The following PDZK1IP1 variants were observed in gnomAD, a reference collection of about 807,000 sequenced individuals.
PDZK1IP1 encodes PDZK1-interacting protein 1.
A neutral mutation model predicts 14.7 loss-of-function variants in PDZK1IP1; 9 were observed. The ratio of observed to expected loss-of-function variants is 0.61; its 90% CI spans 0.37 to 1.07. The LOEUF is 1.07. Among genes scored for constraint, PDZK1IP1 ranks in the 50% least tolerant of loss-of-function variants. The pLI, the probability that PDZK1IP1 is intolerant of heterozygous loss-of-function variation, is 0.01. For missense variants in PDZK1IP1, 152 were observed against 148.7 expected (o/e 1.02, Z -0.11); for synonymous variants, 70 against 61.2 (o/e 1.14, Z -0.67).
chr1:47,186,551 C>T (rs530271921), intron 2 of PDZK1IP1, among the ~76,000 whole-genome samples: 6 of 152,342 alleles, frequency 3.9e-5, no homozygotes, highest in African/African-American at 7.2e-5. Context: ...GGAAGAAATG[C>T]CCCTGGGAAC....
chr1:47,187,023 C>T (rs532605606), intron 2 of PDZK1IP1, among the ~76,000 whole-genome samples: 4 of 152,304 alleles, frequency 2.6e-5, no homozygotes, highest in African/African-American at 4.8e-5. Context: ...CCTGGCTCTG[C>T]GGAAACACCA....
intron 3 of PDZK1IP1, among the ~76,000 whole-genome samples, chr1:47,184,719 A>C (rs1282410806): frequency 6.9e-6 from 1 of 145,176 alleles, no homozygotes; most frequent in Non-Finnish European, 1.5e-5. Flanking sequence ...TCCTTCCTCC[A>C]TTGAACCCTT....
Position 47,189,925 on chromosome 1 carries a change from G to A in PDZK1IP1, c.8C>T (p.Ala3Val). Residue 3 changes from alanine (A) to valine (V), a missense_variant, in exon 1 of 4, where the codon GCC becomes GTC. Ala to Val is a moderately conservative substitution (Grantham distance 64, BLOSUM62 0). Coordinates refer to ENST00000294338, the MANE Select transcript of PDZK1IP1 (RefSeq NM_005764.4). ...CAGGCCCAGAATGAGGAGGCTGAGG[G>A]CCGACATGGCTGCAGCAGCTCCTAG... MSALSLLILGLLT... is the reference protein window; with the variant it reads MSVLSLLILGLLT... 1 of 1,593,212 alleles carries A rather than the reference G, an allele frequency of 6.3e-7. No homozygotes were observed. The highest frequency in any genetic ancestry group is 8.5e-7 in the Non-Finnish European group (1 of 1,177,508).
intron 2 of PDZK1IP1, among the ~76,000 whole-genome samples, chr1:47,187,005 G>T (rs1645323661): frequency 6.6e-6 from 1 of 152,188 alleles, no homozygotes; most frequent in Non-Finnish European, 1.5e-5. Context: ...CACAGGCTGG[G>T]CCGCTATCCT....
chr1:47,185,014 G>T lies in PDZK1IP1; in HGVS notation c.260C>A (p.Ala87Glu), dbSNP rs746288679. The change falls in exon 3 of 4, where the codon GCG (alanine) becomes GAG (glutamate). Residue 87 changes from alanine (A) to glutamate (E), a missense_variant. Transcript: ENST00000294338. ...VGTDGRYSSM[A>E]ASFRSSEHEN... ...CCCTGCACCTCACCTGAAACTGGCC[G>T]CCATCGAAGAGTACCTTCCATCTGT... The T allele has an allele frequency of 9.9e-6, 16 of 1,612,794 alleles. No homozygotes were observed. The highest frequency in any genetic ancestry group is 1.7e-4 in the Middle Eastern group (1 of 6,060).
rs374253597 is a variant in PDZK1IP1 at position 47,184,645 on chromosome 1, C to G, written c.272+357G>C. 7.4e-5 allele frequency among the ~76,000 whole-genome samples: 9 copies of G among 121,156 alleles called. No homozygotes were observed. In the South Asian group the frequency reaches 2.3e-3, roughly 31 times the overall value. The allele number at this position is 121,156 out of a possible 152,430, so 79.5% of individuals were successfully genotyped here. A position where few individuals can be genotyped will look rare whatever the true frequency, so the allele number is the denominator to read the frequency against. On this transcript the variant is annotated intron_variant, in intron 3 of 3. Transcript: ENST00000294338. ...CCACTGAGTCCATACCCCAGTGAAC[C>G]CATCCCCCACTGAGCTGCATCCTCT...
intron 1 of PDZK1IP1, among the ~76,000 whole-genome samples, chr1:47,189,628 G>A (rs2148573976): frequency 6.6e-6 from 1 of 152,332 alleles, no homozygotes; most frequent in East Asian, 1.9e-4. Flanking sequence ...TGGGGCTTGG[G>A]CCTCAAATCC....
intron 3 of PDZK1IP1, among the ~76,000 whole-genome samples, chr1:47,184,473 C>CCCACTGAGTCCATCCT: frequency 1.0e-4 from 1 of 9,684 alleles, no homozygotes; most frequent in Non-Finnish European, 2.8e-4. Flanking sequence ...GAGTCCATCC[C>CCCACTGAGTCCATCCT]CCACTGAACC....
intron 1 of PDZK1IP1, 25 bp downstream of exon 1, chr1:47,189,841 G>T: frequency 6.4e-7 from 1 of 1,568,442 alleles, no homozygotes; most frequent in Non-Finnish European, 8.6e-7. Context: ...GGTCTCCCGT[G>T]CCCAGCCCTC....
chr1:47,188,007 C>A (rs1346060691), intron 1 of PDZK1IP1, among the ~76,000 whole-genome samples: 4 of 152,064 alleles, frequency 2.6e-5, no homozygotes, highest in African/African-American at 9.7e-5. Context: ...GAGGAGTGGA[C>A]CAGGACATCT....
chr1:47,185,470 G>A, intron 2 of PDZK1IP1: 1 of 246,234 alleles, frequency 4.1e-6, no homozygotes, highest in South Asian at 5.7e-5. Context: ...CAGAGCTGGG[G>A]CAGGTGGAGA....
chr1:47,183,582 TGGGGA>T lies in PDZK1IP1; in HGVS notation c.*384_*388del. 2 of 209,172 alleles carry T rather than the reference TGGGGA, an allele frequency of 9.6e-6. No homozygotes were observed. The highest frequency in any genetic ancestry group is 5.3e-5 in the Admixed American group (1 of 18,838). 13.0% of individuals were successfully genotyped at this position (209,172 alleles called of 1,614,324 possible). On this transcript the variant is annotated 3_prime_UTR_variant, in exon 4 of 4. Transcript: ENST00000294338. ...GACTGTCATGATTCAGAAAGCAAGA[TGGGGA>T]CTCACTGGAAGCCTGAGGGGCTGTT...
Position 47,187,048 on chromosome 1 carries a change from G to A in PDZK1IP1, c.176+271C>T, listed in dbSNP as rs554814585. The stretch of plus-strand genomic sequence containing the variant: ...CGGAAACACCAAGACTCCAAGAAGC[G>A]AAGCCGTTTCCCCAAAACTCACAGG... On this transcript the variant is annotated intron_variant, in intron 2 of 3. Coordinates refer to ENST00000294338, the MANE Select transcript of PDZK1IP1 (RefSeq NM_005764.4). Among the ~76,000 whole-genome samples, 16 of 152,272 alleles carry A rather than the reference G, an allele frequency of 1.1e-4. No homozygotes were observed. In the South Asian group the frequency reaches 1.9e-3, roughly 18 times the overall value.
chr1:47,188,618 C>T (rs1238510759), intron 1 of PDZK1IP1, among the ~76,000 whole-genome samples: 3 of 152,196 alleles, frequency 2.0e-5, no homozygotes, highest in African/African-American at 7.2e-5. Flanking sequence ...CTCAAATGTC[C>T]TCCTTTGAGT....
At chr1:47,184,188 G>T in intron 3 of PDZK1IP1, 145 bp from the exon 4 acceptor site, 2 of 674,608 alleles carry the variant, frequency 3.0e-6, no homozygotes, top group Middle Eastern at 2.4e-4. Context: ...CCACATCTGG[G>T]CTTATGCATC....
chr1:47,190,010 C>T lies in PDZK1IP1; in HGVS notation c.-78G>A, dbSNP rs77893010. 1.8e-3 allele frequency: 2,058 copies of T among 1,152,998 alleles called. 25 individuals carry two copies. The East Asian group carries it at 0.031, about 17-fold the overall frequency. The allele number at this position is 1,152,998 out of a possible 1,614,324, so 71.4% of individuals were successfully genotyped here. A position where few individuals can be genotyped will look rare whatever the true frequency, so the allele number is the denominator to read the frequency against. ...AGCTGCTGTGGAGTCTATTGGTGTC[C>T]GCCTGAAATCAACCTGGGCTCAGTC... On this transcript the variant is annotated 5_prime_UTR_variant, in exon 1 of 4. Transcript: ENST00000294338.
Position 47,189,966 on chromosome 1 carries a change from C to G in PDZK1IP1, c.-34G>C, listed in dbSNP as rs893222319. 12 of 1,536,964 alleles carry G rather than the reference C, an allele frequency of 7.8e-6. No individual in the cohort carries two copies. Among genetic ancestry groups the G allele is most frequent in the Non-Finnish European group, 1.0e-5 (12 of 1,146,714 alleles). ...CAGCTCCTAGCCTTGCTTCTGGCCG[C>G]CGGTGTCTGGGCTCCTGGAGCTGCT... On this transcript the variant is annotated 5_prime_UTR_variant, in exon 1 of 4. Transcript: ENST00000294338.
chr1:47,187,550 G>A (rs1465731542), intron 1 of PDZK1IP1, 123 bp from the exon 2 acceptor site: 2 of 728,530 alleles, frequency 2.7e-6, no homozygotes, highest in Admixed American at 2.3e-5. Context: ...GCTGCCAGGA[G>A]CAAGGAGACA....
chr1:47,185,295 G>A (rs1645312610), intron 2 of PDZK1IP1, 198 bp from the exon 3 acceptor site: 4 of 575,278 alleles, frequency 7.0e-6, no homozygotes, highest in South Asian at 4.0e-5. Context: ...ATAGTGGGGG[G>A]CCAAATATTT....
Sources: allele counts gnomAD v4.1 joint callset (sites outside exome capture counted in the v4.1 genomes callset), GRCh38; gene constraint gnomAD v4.1.1; transcripts MANE v1.5; gene names NCBI Gene and HGNC (gene_info 2026-07-23, HGNC 2026-07-21).